The following C1QTNF7 variants were observed in gnomAD, a reference collection of about 807,000 sequenced individuals.
C1QTNF7 encodes complement C1q tumor necrosis factor-related protein 7.
Under a neutral mutation model 19.6 loss-of-function variants are expected in C1QTNF7, and 15 were observed. That is an observed-to-expected ratio of 0.76 (90% CI 0.51 to 1.18). The LOEUF is 1.18. Among genes scored for constraint, C1QTNF7 ranks in the 50% most tolerant of loss-of-function variants. The pLI, the probability that C1QTNF7 is intolerant of heterozygous loss-of-function variation, is 0.00. For missense variants in C1QTNF7, 324 were observed against 359.7 expected, an observed-to-expected ratio of 0.90 and a Z score of 0.80; for synonymous variants, 142 against 137.5, an observed-to-expected ratio of 1.03 and a Z score of -0.23.
intron 1 of C1QTNF7, among the ~76,000 whole-genome samples, chr4:15,344,631 T>C (rs1716652834): frequency 6.6e-6 from 1 of 152,210 alleles, no homozygotes; most frequent in South Asian, 2.1e-4. Context: ...AGCACTTTTA[T>C]AGAAATCATA....
At chr4:15,426,382 G>T (rs956430018), upstream of C1QTNF7, among the ~76,000 whole-genome samples, 12 of 152,258 alleles carry the variant, frequency 7.9e-5, no homozygotes, top group South Asian at 2.1e-4. Flanking sequence ...AACACTCTCA[G>T]AGACATTTTC....
At chr4:15,425,210 T>C (rs1327966976), upstream of C1QTNF7, among the ~76,000 whole-genome samples, 1 of 152,028 alleles carries the variant, frequency 6.6e-6, no homozygotes, top group African/African-American at 2.4e-5. Context: ...GAATCACCCA[T>C]AGAGCTTTTA....
rs139379821 is a variant in C1QTNF7, at chr4:15,442,453, G to A, written c.524G>A (p.Gly175Glu). ...TTTAACAAGGTCCTCTTCAACGAGG[G>A]AGAGCACTACAACCCTGCCACAGGG... ...IIFNKVLFNE[G>E]EHYNPATGKF... The change falls in exon 3 of 3, where the codon GGA becomes GAA. Residue 175 changes from glycine to glutamate, a missense_variant. By Grantham distance (98) the Gly-to-Glu change is moderately conservative. Transcript: ENST00000444304. The A allele has an allele frequency of 7.4e-5, 120 of 1,614,232 alleles. No individual in the cohort carries two copies. In the East Asian group the frequency reaches 2.7e-3, roughly 36 times the overall value.
At chr4:15,414,797 A>G (rs1436391145) in intron 1 of C1QTNF7, among the ~76,000 whole-genome samples, 1 of 151,760 alleles carries the variant, frequency 6.6e-6, no homozygotes, top group Non-Finnish European at 1.5e-5. Context: ...TTTTTTTTCT[A>G]TTAAAGTAAA....
upstream of C1QTNF7, among the ~76,000 whole-genome samples, chr4:15,424,236 C>G (rs1368188653): frequency 6.6e-6 from 1 of 152,194 alleles, no homozygotes; most frequent in Non-Finnish European, 1.5e-5. Flanking sequence ...TGTCCATCTC[C>G]ATGGCTGTAG....
intron 1 of C1QTNF7, among the ~76,000 whole-genome samples, chr4:15,352,799 C>T (rs114005492): frequency 2.0e-4 from 31 of 152,336 alleles, no homozygotes; most frequent in African/African-American, 6.5e-4. Context: ...TCCCTGGACA[C>T]GTAGTCCTTG....
At chr4:15,411,717 G>A (rs1008289623) in intron 1 of C1QTNF7, among the ~76,000 whole-genome samples, 7 of 152,136 alleles carry the variant, frequency 4.6e-5, no homozygotes, top group Non-Finnish European at 8.8e-5. Context: ...TTTCTATAAC[G>A]GCTATAACAA....
At chr4:15,381,084 A>C (rs1327289151) in intron 1 of C1QTNF7, among the ~76,000 whole-genome samples, 1 of 152,122 alleles carries the variant, frequency 6.6e-6, no homozygotes, top group Non-Finnish European at 1.5e-5. Flanking sequence ...AAATTGGACT[A>C]TATTACATAA....
At chr4:15,406,227 C>T (rs1719190176) in intron 1 of C1QTNF7, among the ~76,000 whole-genome samples, 1 of 152,194 alleles carries the variant, frequency 6.6e-6, no homozygotes, top group Non-Finnish European at 1.5e-5. Context: ...GTTTCCCCGC[C>T]AGGATCCACA....
intron 1 of C1QTNF7, among the ~76,000 whole-genome samples, chr4:15,413,017 G>A (rs986272171): frequency 3.9e-5 from 6 of 152,188 alleles, no homozygotes; most frequent in African/African-American, 1.2e-4. Context: ...GTTCAGATCC[G>A]TTATAGAATT....
intron 1 of C1QTNF7, among the ~76,000 whole-genome samples, chr4:15,349,471 G>A (rs983794000): frequency 1.3e-5 from 2 of 152,150 alleles, no homozygotes; most frequent in African/African-American, 4.8e-5. Context: ...GAGGCAAAAT[G>A]AAAGAAATGT....
rs574961626 is a variant in C1QTNF7 at position 15,442,979 on chromosome 4, A to T, written c.*180A>T. Reference sequence around the variant, plus strand: ...AAAAGTTGAAACCACAACAAAATGAATTCTATTAAAGAATAGCCCCAGATA... The same window carrying T: ...AAAAGTTGAAACCACAACAAAATGATTTCTATTAAAGAATAGCCCCAGATA... On this transcript the variant is annotated 3_prime_UTR_variant, in exon 3 of 3. Coordinates refer to ENST00000444304, the MANE Select transcript of C1QTNF7 (RefSeq NM_031911.5). 19 of 546,276 alleles carry T rather than the reference A, an allele frequency of 3.5e-5. No individual in the cohort carries two copies. In the African/African-American group the frequency reaches 3.6e-4, roughly 10 times the overall value. The allele number at this position is 546,276 out of a possible 1,614,324, so 33.8% of individuals were successfully genotyped here.
In C1QTNF7 at chr4:15,443,500, A is replaced by G. The variant is rs1011175824; in HGVS notation, c.*701A>G. On this transcript the variant is annotated 3_prime_UTR_variant, in exon 3 of 3. Transcript: ENST00000444304. ...AAGCTAAAAGCACACAGGGTCTGCTATTCCTGAGGCTGGGGGCCAGAGAAG... is the reference window on the plus strand; with the variant it reads ...AAGCTAAAAGCACACAGGGTCTGCTGTTCCTGAGGCTGGGGGCCAGAGAAG... 3 of 152,280 alleles carry G rather than the reference A, an allele frequency of 2.0e-5. No homozygotes were observed. Among genetic ancestry groups the G allele is most frequent in the African/African-American group, 4.8e-5 (2 of 41,456 alleles). 9.4% of individuals were successfully genotyped at this position (152,280 alleles called of 1,614,324 possible). A position where few individuals can be genotyped will look rare whatever the true frequency, so the allele number is the denominator to read the frequency against.
intron 1 of C1QTNF7, among the ~76,000 whole-genome samples, chr4:15,397,219 G>A (rs1008828744): frequency 4.6e-5 from 7 of 152,166 alleles, no homozygotes; most frequent in Non-Finnish European, 8.8e-5. Context: ...TGAGATTTGG[G>A]TGGGGACACA....
Position 15,446,131 on chromosome 4 carries a change from G to A in C1QTNF7, c.*3332G>A, listed in dbSNP as rs934785647. ...ATATACTTTTTTTCTACCACTCTGTGTAAAAGATCATGAACGTAAATAAAT... is the reference window on the plus strand; with the variant it reads ...ATATACTTTTTTTCTACCACTCTGTATAAAAGATCATGAACGTAAATAAAT... On this transcript the variant is annotated 3_prime_UTR_variant, in exon 3 of 3. Coordinates refer to ENST00000444304, the MANE Select transcript of C1QTNF7 (RefSeq NM_031911.5). 1 of 152,184 alleles carries A rather than the reference G, an allele frequency of 6.6e-6. No individual in the cohort carries two copies. The highest frequency in any genetic ancestry group is 1.5e-5 in the Non-Finnish European group (1 of 68,044). The allele number at this position is 152,184 out of a possible 1,614,324, so 9.4% of individuals were successfully genotyped here.
rs190940659 is a variant in C1QTNF7 at position 15,436,629 on chromosome 4, C to T, written c.238+648C>T. Reference sequence around the variant, plus strand: ...ATTTTTACAGCTCTTTACAGCAACACAATTGCCCACTAGTCCTTCAGTAAT... The same window carrying T: ...ATTTTTACAGCTCTTTACAGCAACATAATTGCCCACTAGTCCTTCAGTAAT... On this transcript the variant is annotated intron_variant, in intron 2 of 2. Transcript: ENST00000444304. Among the ~76,000 whole-genome samples, 308 of 152,344 alleles carry T rather than the reference C, an allele frequency of 2.0e-3. 1 individual carries two copies. Among genetic ancestry groups the T allele is most frequent in the Non-Finnish European group, 3.5e-3 (237 of 68,036 alleles).
chr4:15,398,011 GGAACGCAGCCACAATTTCA>G (rs1310978419), intron 1 of C1QTNF7, among the ~76,000 whole-genome samples: 1 of 152,152 alleles, frequency 6.6e-6, no homozygotes, highest in Non-Finnish European at 1.5e-5. Flanking sequence ...GACCCACAAA[GGAACGCAGCCACAATTTCA>G]GTCTTTCTTG....
At chr4:15,340,181 G>T in exon 1 of C1QTNF7, 1 of 1,551,638 alleles carries the variant, frequency 6.4e-7, no homozygotes, top group East Asian at 2.4e-5. Context: ...TTGGGGGAAA[G>T]TTTGATATCA....
In C1QTNF7 at chr4:15,414,860, T is replaced by G. The variant is rs576951086; in HGVS notation, c.14-20876T>G. On this transcript the variant is annotated intron_variant, in intron 1 of 2. Coordinates refer to the C1QTNF7 transcript ENST00000295297. ...AGTCATAGCCATCATAGAGTTCCAG[T>G]TGATGATTAAAAAACAAACTAGGTT... Among the ~76,000 whole-genome samples, 19 of 152,258 alleles carry G rather than the reference T, an allele frequency of 1.2e-4. No individual in the cohort carries two copies. In the South Asian group the frequency reaches 3.7e-3, roughly 30 times the overall value.
Sources: gnomAD v4.1 joint callset for allele counts (sites outside exome capture counted in the v4.1 genomes callset) on GRCh38, gnomAD v4.1.1 for gene constraint, MANE v1.5 for transcripts, NCBI Gene and HGNC (gene_info 2026-07-23, HGNC 2026-07-21) for gene names.